The following ANXA1 variants were observed in gnomAD, a reference collection of about 807,000 sequenced individuals.
ANXA1 encodes annexin A1.
In ANXA1, 39 loss-of-function variants were observed where a neutral mutation model predicts 47.9. The ratio of observed to expected loss-of-function variants is 0.81; its 90% CI spans 0.63 to 1.06. ANXA1 has a LOEUF of 1.06. Ranked by LOEUF, ANXA1 falls within the 50% of genes least tolerant of loss-of-function variation. The probability of loss-of-function intolerance (pLI) is 0.00; values close to 1 mark genes in which losing one functional copy is unlikely to be tolerated. For missense variants in ANXA1, 446 were observed against 422.7 expected (o/e 1.06, Z -0.48); for synonymous variants, 146 against 142.5 (o/e 1.02, Z -0.17).
At position 73,165,216 on chromosome 9, in the gene ANXA1, A is replaced by G. The variant is rs372487155; in HGVS notation, c.706+7A>G. On this transcript the variant is annotated splice_region_variant and intron_variant, in intron 9 of 12. Coordinates refer to ENST00000257497, the MANE Select transcript of ANXA1 (RefSeq NM_000700.3). ...TATCCACAACTTCGCAGAGGTAACAATAAATTTCTTTTTCTGGAATCTGTT... is the reference window on the plus strand; with the variant it reads ...TATCCACAACTTCGCAGAGGTAACAGTAAATTTCTTTTTCTGGAATCTGTT... The G allele has an allele frequency of 4.3e-6, 7 of 1,609,646 alleles. No individual in the cohort carries two copies. In the African/African-American group the frequency reaches 8.0e-5, roughly 18 times the overall value.
chr9:73,165,056 T>C (rs1442563399), intron 8 of ANXA1, 60 bp from the exon 9 acceptor site: 4 of 1,360,258 alleles, frequency 2.9e-6, no homozygotes, highest in Non-Finnish European at 4.2e-6. Flanking sequence ...AGGTCTAACA[T>C]TATTGTGCAG....
At chr9:73,154,148 C>T (rs1482985651) in intron 1 of ANXA1, 1 of 374,836 alleles carries the variant, frequency 2.7e-6, no homozygotes, top group Non-Finnish European at 5.0e-6. Flanking sequence ...TCATAAATTG[C>T]TTTCTGTAAG....
Position 73,170,242 on chromosome 9 carries a change from A to C in ANXA1, c.*135A>C. On this transcript the variant is annotated 3_prime_UTR_variant, in exon 13 of 13. Coordinates refer to ENST00000257497, the MANE Select transcript of ANXA1 (RefSeq NM_000700.3). ...ACATGCTGAAAAATATAGCCTTTAAATCATTTTTATATTATAACTCTGTAT... is the reference window on the plus strand; with the variant it reads ...ACATGCTGAAAAATATAGCCTTTAACTCATTTTTATATTATAACTCTGTAT... 1 of 581,048 alleles carries C rather than the reference A, an allele frequency of 1.7e-6. No homozygotes were observed. The highest frequency in any genetic ancestry group is 2.9e-6 in the Non-Finnish European group (1 of 349,860). 36.0% of individuals were successfully genotyped at this position (581,048 alleles called of 1,614,324 possible).
At chr9:73,158,377 G>T (rs1824082460) in intron 1 of ANXA1, 145 bp from the exon 2 acceptor site, 2 of 615,404 alleles carry the variant, frequency 3.2e-6, no homozygotes, top group South Asian at 4.2e-5. Flanking sequence ...CTTACATTTT[G>T]TTATGCTCCT....
intron 9 of ANXA1, 124 bp downstream of exon 9, chr9:73,165,333 AG>A (rs1824209762): frequency 7.3e-6 from 5 of 680,782 alleles, no homozygotes; most frequent in Non-Finnish European, 1.2e-5. Flanking sequence ...AAACAGATAC[AG>A]TGTTCCTGAC....
intron 8 of ANXA1, among the ~76,000 whole-genome samples, 154 bp downstream of exon 8, chr9:73,163,686 C>T (rs1174924965): frequency 1.3e-5 from 2 of 152,082 alleles, no homozygotes; most frequent in East Asian, 3.9e-4. Context: ...TTTCTGTAGC[C>T]CCCACACACA....
rs777628007 is a variant in ANXA1 at position 73,170,045 on chromosome 9, C to A, written c.985-6C>A. ...ACATTAAGTATACCTTTTTTTGAAT[C>A]AACAGGATGAAACCAAAGGAGATTA... On this transcript the variant is annotated splice_polypyrimidine_tract_variant and splice_region_variant and intron_variant, in intron 12 of 12. Coordinates refer to ENST00000257497, the MANE Select transcript of ANXA1 (RefSeq NM_000700.3). The A allele has an allele frequency of 1.3e-6, 2 of 1,593,714 alleles. No homozygotes were observed. The highest frequency in any genetic ancestry group is 8.5e-7 in the Non-Finnish European group (1 of 1,171,194).
chr9:73,166,613 C>T (rs1014894383), intron 10 of ANXA1, among the ~76,000 whole-genome samples: 4 of 151,974 alleles, frequency 2.6e-5, no homozygotes, highest in African/African-American at 4.8e-5. Context: ...TCAGTGGGTC[C>T]GAGTTGGCCT....
intron 10 of ANXA1, 114 bp from the exon 11 acceptor site, chr9:73,167,383 T>C (rs910005851): frequency 2.3e-6 from 2 of 865,966 alleles, no homozygotes; most frequent in Admixed American, 2.1e-5. Flanking sequence ...AGGTGAAGAA[T>C]GATGATGAGG....
chr9:73,162,700 T>C, intron 6 of ANXA1, 82 bp from the exon 7 acceptor site: 1 of 1,068,966 alleles, frequency 9.4e-7, no homozygotes, highest in Non-Finnish European at 1.4e-6. Context: ...ACTGTGAATT[T>C]TCAACCAACT....
rs1265125160 is a variant in ANXA1 at position 73,158,708 on chromosome 9, C to T, written c.80C>T (p.Ser27Leu). 1.9e-6 allele frequency: 3 copies of T among 1,613,680 alleles called. No individual in the cohort carries two copies. In the Admixed American group the frequency reaches 5.0e-5, roughly 27 times the overall value. The change falls in exon 3 of 13, where the codon TCA (serine) becomes TTA (leucine). Residue 27 changes from serine (S) to leucine (L), a missense_variant. Ser to Leu is a moderately radical substitution (Grantham distance 145). Transcript: ENST00000257497. ...EEQEYVQTVK[S>L]SKGGPGSAVS... ...TCTCATTCTTAGCAAACTGTGAAGT[C>T]ATCCAAAGGTGGTCCCGGATCAGCG...
chr9:73,164,712 A>T (rs929871684), intron 8 of ANXA1, among the ~76,000 whole-genome samples: 1 of 152,178 alleles, frequency 6.6e-6, no homozygotes, highest in South Asian at 2.1e-4. Context: ...CAGAAATTCT[A>T]ACATCAAAAT....
intron 2 of ANXA1, 46 bp from the exon 3 acceptor site, chr9:73,158,648 AC>A: frequency 6.2e-7 from 1 of 1,610,004 alleles, no homozygotes; most frequent in Non-Finnish European, 8.5e-7. Context: ...TGAAATAAAA[AC>A]GAATATAAGT....
intron 8 of ANXA1, among the ~76,000 whole-genome samples, chr9:73,164,025 A>G (rs1272822535): frequency 6.6e-6 from 1 of 152,108 alleles, no homozygotes; most frequent in Non-Finnish European, 1.5e-5. Flanking sequence ...ATATTGTTTT[A>G]TTTAGTTTCA....
intron 11 of ANXA1, 144 bp from the exon 12 acceptor site, chr9:73,168,888 T>TGTGTGC: frequency 1.6e-6 from 1 of 610,650 alleles, no homozygotes; most frequent in Non-Finnish European, 2.8e-6. Flanking sequence ...AAGGTGTGTG[T>TGTGTGC]GTGTGTGTGT....
At chr9:73,160,152 T>C (rs1824112987) in intron 4 of ANXA1, 111 bp from the exon 5 acceptor site, 1 of 606,128 alleles carries the variant, frequency 1.6e-6, no homozygotes, top group Admixed American at 3.4e-5. Context: ...CTCTAAAAGA[T>C]GGTTGGGTTT....
Position 73,163,410 on chromosome 9 carries a change from A to G in ANXA1, c.556-66A>G, listed in dbSNP as rs1481152486. 12 of 1,450,196 alleles carry G rather than the reference A, an allele frequency of 8.3e-6. No homozygotes were observed. In the Admixed American group the frequency reaches 1.2e-4, roughly 15 times the overall value. The allele number at this position is 1,450,196 out of a possible 1,614,324, so 89.8% of individuals were successfully genotyped here. On this transcript the variant is annotated intron_variant, in intron 7 of 12. Coordinates refer to ENST00000257497, the MANE Select transcript of ANXA1 (RefSeq NM_000700.3). ...AAAATATTATTTATCTGAGTTTAAG[A>G]TAATTAAGTAAATCATGCAATTACA...
Position 73,158,576 on chromosome 9 carries a change from T to C in ANXA1, c.41T>C (p.Ile14Thr). Reference protein sequence around the residue: ...VSEFLKQAWFIENEEQEYVQT... With the variant: ...VSEFLKQAWFTENEEQEYVQT... ...GAATTCCTCAAGCAGGCCTGGTTTA[T>C]TGAAAATGAAGAGCAGGAATATGTT... The change falls in exon 2 of 13, where the codon ATT becomes ACT. Residue 14 changes from isoleucine to threonine, a missense_variant. Coordinates refer to ENST00000257497, the MANE Select transcript of ANXA1 (RefSeq NM_000700.3). 2 of 1,613,800 alleles carry C rather than the reference T, an allele frequency of 1.2e-6. No individual in the cohort carries two copies. Among genetic ancestry groups the C allele is most frequent in the South Asian group, 1.1e-5 (1 of 91,082 alleles).
chr9:73,160,749 C>T, intron 5 of ANXA1, 54 bp from the exon 6 acceptor site: 1 of 1,377,932 alleles, frequency 7.3e-7, no homozygotes, highest in Non-Finnish European at 1.0e-6. Context: ...CTCATTGATC[C>T]TCTTGCATGA....
Sources: gnomAD v4.1 joint callset for allele counts (sites outside exome capture counted in the v4.1 genomes callset) on GRCh38, gnomAD v4.1.1 for gene constraint, MANE v1.5 for transcripts, NCBI Gene and HGNC (gene_info 2026-07-23, HGNC 2026-07-21) for gene names.